Variants in APOL5 observed in about 807,000 individuals in gnomAD.
APOL5 encodes apolipoprotein L5.
Under a neutral mutation model 35.5 loss-of-function variants are expected in APOL5, and 29 were observed. The observed-to-expected ratio is 0.82, with a 90% confidence interval of 0.61 to 1.11. The LOEUF (loss-of-function observed/expected upper bound fraction) is 1.11, where lower values mean the gene tolerates loss of function less well. Ranked by LOEUF, APOL5 falls within the 50% of genes most tolerant of loss-of-function variation. The pLI is 0.00. For missense variants in APOL5, 514 were observed against 530.4 expected (o/e 0.97, Z 0.30); for synonymous variants, 188 against 200.2 (o/e 0.94, Z 0.51).
chr22:35,718,149 T>C (rs1002862697), intron 1 of APOL5, among the ~76,000 whole-genome samples: 1 of 152,180 alleles, frequency 6.6e-6, no homozygotes, highest in Non-Finnish European at 1.5e-5. Flanking sequence ...AAAGTTTAAC[T>C]AAAAATGTAA....
upstream of APOL5, among the ~76,000 whole-genome samples, chr22:35,715,274 G>C (rs1926710198): frequency 1.3e-5 from 2 of 152,262 alleles, no homozygotes; most frequent in Non-Finnish European, 2.9e-5. Context: ...CCAAAATAAA[G>C]TCTAATAGAG....
chr22:35,719,520 G>A (rs1187931525), intron 1 of APOL5, among the ~76,000 whole-genome samples: 2 of 152,340 alleles, frequency 1.3e-5, no homozygotes, highest in African/African-American at 4.8e-5. Context: ...ACATGGCCCC[G>A]ATTGTCTTGG....
the APOL5 span, among the ~76,000 whole-genome samples, chr22:35,708,725 C>T: frequency 6.6e-6 from 1 of 152,158 alleles, no homozygotes; most frequent in African/African-American, 2.4e-5. Context: ...ATTTATGCAA[C>T]TCCCTTGAGT....
the APOL5 span, among the ~76,000 whole-genome samples, chr22:35,710,191 T>C: frequency 6.7e-6 from 1 of 148,384 alleles, no homozygotes; most frequent in Non-Finnish European, 1.5e-5. Flanking sequence ...GCTGTGATTA[T>C]GGCTCACTGC....
At chr22:35,714,685 C>T (rs139990274), upstream of APOL5, among the ~76,000 whole-genome samples, 5 of 152,298 alleles carry the variant, frequency 3.3e-5, no homozygotes, top group African/African-American at 1.2e-4. Context: ...TGTCCTCCAG[C>T]AATGAATGCA....
chr22:35,728,512 C>A (rs548858735), intron 3 of APOL5, among the ~76,000 whole-genome samples: 5 of 152,226 alleles, frequency 3.3e-5, no homozygotes, highest in African/African-American at 1.2e-4. Flanking sequence ...CGTGAGCAAC[C>A]GCGCCCGGCC....
upstream of APOL5, among the ~76,000 whole-genome samples, chr22:35,714,667 G>T (rs1248645937): frequency 6.6e-6 from 1 of 152,230 alleles, no homozygotes; most frequent in Non-Finnish European, 1.5e-5. Context: ...CCAAGTTCAG[G>T]ATCGCTGTGT....
intron 2 of APOL5, among the ~76,000 whole-genome samples, chr22:35,721,281 G>A (rs559554629): frequency 2.6e-4 from 40 of 152,154 alleles, no homozygotes; most frequent in Non-Finnish European, 4.7e-4. Flanking sequence ...GGTGGCTCAC[G>A]CTTGAAATCC....
upstream of APOL5, among the ~76,000 whole-genome samples, chr22:35,717,233 A>ATATAT (rs71324555): frequency 1.3e-3 from 48 of 37,296 alleles, 1 homozygote; most frequent in Admixed American, 3.9e-3. Flanking sequence ...AAAAAAAAAA[A>ATATAT]AAATATATAT....
intron 3 of APOL5, 118 bp downstream of exon 3, chr22:35,727,312 G>C: frequency 7.0e-7 from 1 of 1,426,914 alleles, no homozygotes; most frequent in Non-Finnish European, 9.3e-7. Context: ...TGCCCCTTCT[G>C]CAAAGAGAGG....
chr22:35,714,996 T>A (rs1230585317), upstream of APOL5, among the ~76,000 whole-genome samples: 1 of 152,272 alleles, frequency 6.6e-6, no homozygotes, highest in African/African-American at 2.4e-5. Context: ...GATGCATTTT[T>A]AAATTATCAG....
At chr22:35,709,792 G>A in the APOL5 span, among the ~76,000 whole-genome samples, 1 of 151,484 alleles carries the variant, frequency 6.6e-6, no homozygotes, top group Non-Finnish European at 1.5e-5. Flanking sequence ...TTTTAATAGT[G>A]TCTGTTTTCT....
At chr22:35,716,620 A>G (rs933637502), upstream of APOL5, among the ~76,000 whole-genome samples, 1 of 152,242 alleles carries the variant, frequency 6.6e-6, no homozygotes, top group Non-Finnish European at 1.5e-5. Flanking sequence ...TCAATAATAT[A>G]GATGAGTGAA....
chr22:35,718,007 C>T (rs2899256), intron 1 of APOL5, 81 bp downstream of exon 1: 825,694 of 1,200,472 alleles, frequency 0.69, 287,428 homozygotes, highest in African/African-American at 0.83. Flanking sequence ...ATACGTTACA[C>T]TATTTTTTAT....
intron 3 of APOL5, among the ~76,000 whole-genome samples, chr22:35,728,287 C>G (rs963908184): frequency 2.0e-5 from 3 of 152,056 alleles, no homozygotes; most frequent in African/African-American, 7.2e-5. Flanking sequence ...GCAGTGGCGC[C>G]ATCTTGGCTC....
upstream of APOL5, among the ~76,000 whole-genome samples, chr22:35,717,220 T>TCCAAAAAAAAAAA (rs1926773984): frequency 2.3e-5 from 1 of 42,976 alleles, no homozygotes; most frequent in Non-Finnish European, 3.9e-5. Flanking sequence ...TCTCCATCTC[T>TCCAAAAAAAAAAA]ACAAAAAAAA....
At chr22:35,728,042 C>T (rs1171035274) in intron 3 of APOL5, among the ~76,000 whole-genome samples, 1 of 152,186 alleles carries the variant, frequency 6.6e-6, no homozygotes, top group Non-Finnish European at 1.5e-5. Context: ...GTCCATTCAA[C>T]AGATTTTCAT....
intron 1 of APOL5, among the ~76,000 whole-genome samples, chr22:35,719,847 A>C (rs1275441151): frequency 6.6e-6 from 1 of 152,216 alleles, no homozygotes; most frequent in Non-Finnish European, 1.5e-5. Flanking sequence ...AAATTGGATC[A>C]CACGTGGGCT....
chr22:35,728,941 C>T, intron 4 of APOL5, 37 bp downstream of exon 4: 1 of 1,537,280 alleles, frequency 6.5e-7, no homozygotes. Context: ...GCTGTGGGAA[C>T]CCCTGACAGT....
Sources: allele counts gnomAD v4.1 joint callset (sites outside exome capture counted in the v4.1 genomes callset), GRCh38; gene constraint gnomAD v4.1.1; transcripts MANE v1.5; gene names NCBI Gene and HGNC (gene_info 2026-07-23, HGNC 2026-07-21).